Variants in XKR9 observed in about 807,000 individuals in gnomAD.
XKR9 encodes the protein XK related 9.
A neutral mutation model predicts 32.0 loss-of-function variants in XKR9; 32 were observed. That is an observed-to-expected ratio of 1.00 (90% CI 0.76 to 1.34). The LOEUF is 1.34. Ranked by LOEUF, XKR9 falls within the 40% of genes most tolerant of loss-of-function variation. The pLI, the probability that XKR9 is intolerant of heterozygous loss-of-function variation, is 0.00. For missense variants in XKR9, 546 were observed against 429.7 expected, an observed-to-expected ratio of 1.27 and a Z score of -2.39; for synonymous variants, 168 against 143.4, an observed-to-expected ratio of 1.17 and a Z score of -1.22.
the XKR9 span, among the ~76,000 whole-genome samples, chr8:70,813,144 C>A: frequency 6.6e-6 from 1 of 152,158 alleles, no homozygotes; most frequent in Non-Finnish European, 1.5e-5. Flanking sequence ...TGCCGCATAT[C>A]TACAACCATC....
At chr8:70,974,909 TC>T in the XKR9 span, among the ~76,000 whole-genome samples, 1 of 152,254 alleles carries the variant, frequency 6.6e-6, no homozygotes, top group Admixed American at 6.5e-5. Context: ...TGTTGCTTCC[TC>T]ACTTTTTAAT....
At chr8:70,810,251 G>A in the XKR9 span, among the ~76,000 whole-genome samples, 1 of 152,098 alleles carries the variant, frequency 6.6e-6, no homozygotes, top group African/African-American at 2.4e-5. Context: ...GAGAGATTTT[G>A]TCACCACCAG....
chr8:70,920,884 T>A, the XKR9 span, among the ~76,000 whole-genome samples: 1 of 152,150 alleles, frequency 6.6e-6, no homozygotes, highest in Non-Finnish European at 1.5e-5. Flanking sequence ...TAAGCAAGAA[T>A]CATTGTTTCA....
At position 70,734,619 on chromosome 8, in the gene XKR9, AGATAT is replaced by A. The variant is rs564887609; in HGVS notation, c.*196_*200del. On this transcript the variant is annotated 3_prime_UTR_variant, in exon 5 of 5. Coordinates refer to ENST00000408926, the MANE Select transcript of XKR9 (RefSeq NM_001011720.2). ...TTGGTTTTGAAGATCTTGAGTACTC[AGATAT>A]CTTTCTACTGCCTGGTAGAGCTGCC... 3 of 640,806 alleles carry A rather than the reference AGATAT, an allele frequency of 4.7e-6. No individual in the cohort carries two copies. The highest frequency in any genetic ancestry group is 4.0e-5 in the South Asian group (1 of 24,946). 39.7% of individuals were successfully genotyped at this position (640,806 alleles called of 1,614,324 possible).
the XKR9 span, among the ~76,000 whole-genome samples, chr8:70,967,777 G>A: frequency 1.3e-5 from 2 of 151,896 alleles, no homozygotes; most frequent in Non-Finnish European, 2.9e-5. Context: ...ATCTCTTCTG[G>A]CTTGTAGGGT....
chr8:70,706,075 G>C (rs1210921051), intron 3 of XKR9, among the ~76,000 whole-genome samples: 1 of 152,154 alleles, frequency 6.6e-6, no homozygotes, highest in Non-Finnish European at 1.5e-5. Context: ...AACGTTGGCA[G>C]AAGGAACAGG....
chr8:70,723,182 T>C (rs1362715096), intron 4 of XKR9, among the ~76,000 whole-genome samples: 1 of 152,160 alleles, frequency 6.6e-6, no homozygotes, highest in African/African-American at 2.4e-5. Flanking sequence ...CTGATTATTC[T>C]AGTTAGCAGT....
intron 2 of XKR9, among the ~76,000 whole-genome samples, chr8:70,753,800 G>A (rs1404376608): frequency 6.7e-6 from 1 of 149,890 alleles, no homozygotes; most frequent in Non-Finnish European, 1.5e-5. Context: ...CAAACCCACA[G>A]CCAATATCAT....
Position 70,726,727 on chromosome 8 carries a change from C to G in XKR9, c.494-7069C>G, listed in dbSNP as rs139704980. ...GTACCAAAGAGTTTTTTGGGATGCTCAAGACATTTAGCTCGTTGACTTTCT... is the reference window on the plus strand; with the variant it reads ...GTACCAAAGAGTTTTTTGGGATGCTGAAGACATTTAGCTCGTTGACTTTCT... On this transcript the variant is annotated intron_variant, in intron 4 of 4. Coordinates refer to ENST00000408926, the MANE Select transcript of XKR9 (RefSeq NM_001011720.2). 1.9e-3 allele frequency among the ~76,000 whole-genome samples: 284 copies of G among 152,258 alleles called. 1 individual carries two copies. The highest frequency in any genetic ancestry group is 6.6e-3 in the African/African-American group (275 of 41,552).
At chr8:70,794,700 C>T (rs1807806106), downstream of XKR9, among the ~76,000 whole-genome samples, 2 of 151,608 alleles carry the variant, frequency 1.3e-5, no homozygotes, top group Non-Finnish European at 2.9e-5. Context: ...GGAATAAGTC[C>T]TACTTATTCC....
the XKR9 span, among the ~76,000 whole-genome samples, chr8:70,818,548 T>C: frequency 6.6e-6 from 1 of 152,196 alleles, no homozygotes; most frequent in East Asian, 1.9e-4. Flanking sequence ...ATTTGTTAAA[T>C]GAATGAGTAA....
intron 2 of XKR9, among the ~76,000 whole-genome samples, chr8:70,786,597 C>T (rs1596565): frequency 0.33 from 50,332 of 151,966 alleles, 9,473 homozygotes; most frequent in Non-Finnish European, 0.43. Flanking sequence ...GCTAACACTA[C>T]TCTTTTGGTT....
the XKR9 span, among the ~76,000 whole-genome samples, chr8:70,850,051 C>T: frequency 1.3e-5 from 2 of 152,036 alleles, no homozygotes; most frequent in Non-Finnish European, 2.9e-5. Flanking sequence ...CAAAGAGGAG[C>T]TGGTACCATT....
At chr8:70,778,799 G>A (rs1321302718) in intron 2 of XKR9, among the ~76,000 whole-genome samples, 1 of 152,144 alleles carries the variant, frequency 6.6e-6, no homozygotes, top group Non-Finnish European at 1.5e-5. Context: ...CATTGATTTT[G>A]TATCCTGAGA....
chr8:70,735,803 T>G lies in XKR9; in HGVS notation c.*1379T>G, dbSNP rs1205280342. ...ACAAAGGACATGAACTCATCATTTT[T>G]TATGGCTGCATAGTATTCCATGGTG... On this transcript the variant is annotated 3_prime_UTR_variant, in exon 5 of 5. Transcript: ENST00000408926. 6.6e-6 allele frequency: 1 copy of G among 152,098 alleles called. No individual in the cohort carries two copies. The highest frequency in any genetic ancestry group is 1.5e-5 in the Non-Finnish European group (1 of 68,016). 9.4% of individuals were successfully genotyped at this position (152,098 alleles called of 1,614,324 possible). A position where few individuals can be genotyped will look rare whatever the true frequency, so the allele number is the denominator to read the frequency against.
At chr8:71,027,905 G>C in the XKR9 span, among the ~76,000 whole-genome samples, 1 of 151,944 alleles carries the variant, frequency 6.6e-6, no homozygotes, top group Admixed American at 6.6e-5. Flanking sequence ...CAGTAGCTGG[G>C]ACTACAGGAG....
chr8:70,689,606 T>A (rs1819440834), intron 3 of XKR9, among the ~76,000 whole-genome samples: 2 of 151,742 alleles, frequency 1.3e-5, no homozygotes, highest in African/African-American at 4.8e-5. Context: ...TAGCATTGTT[T>A]GTAATAGAAA....
At chr8:70,868,899 T>G in the XKR9 span, among the ~76,000 whole-genome samples, 4 of 152,186 alleles carry the variant, frequency 2.6e-5, no homozygotes, top group African/African-American at 9.7e-5. Flanking sequence ...GCTTAGAAAT[T>G]TATTCTGCCA....
At chr8:70,968,255 G>A in the XKR9 span, among the ~76,000 whole-genome samples, 2 of 152,152 alleles carry the variant, frequency 1.3e-5, no homozygotes, top group Admixed American at 6.6e-5. Flanking sequence ...ATTGCATTGT[G>A]AACCTCTCGT....
Sources: allele counts gnomAD v4.1 joint callset (sites outside exome capture counted in the v4.1 genomes callset), GRCh38; gene constraint gnomAD v4.1.1; transcripts MANE v1.5; gene names NCBI Gene and HGNC (gene_info 2026-07-23, HGNC 2026-07-21).